The following TGFBRAP1 variants were observed in gnomAD, a reference collection of about 807,000 sequenced individuals.
The protein encoded by TGFBRAP1 is transforming growth factor beta receptor associated protein 1.
TGFBRAP1 carries 20 observed loss-of-function variants against 83.2 expected under a neutral mutation model. The ratio of observed to expected loss-of-function variants is 0.24; its 90% CI spans 0.17 to 0.35. The LOEUF (loss-of-function observed/expected upper bound fraction) is 0.35, where lower values mean the gene tolerates loss of function less well. TGFBRAP1 is among the 10% of genes least tolerant of loss of function. The pLI, the probability that TGFBRAP1 is intolerant of heterozygous loss-of-function variation, is 1.00. For missense variants in TGFBRAP1, 950 were observed against 1,099.4 expected (o/e 0.86, Z 1.92); for synonymous variants, 415 against 459.8 (o/e 0.90, Z 1.25).
At chr2:105,256,181 G>A in the TGFBRAP1 span, among the ~76,000 whole-genome samples, 1 of 152,234 alleles carries the variant, frequency 6.6e-6, no homozygotes, top group Non-Finnish European at 1.5e-5. Flanking sequence ...AATGTTGGCA[G>A]TGGCTCTCTT....
intron 11 of TGFBRAP1, among the ~76,000 whole-genome samples, chr2:105,268,341 T>C (rs115315617): frequency 1.4e-4 from 22 of 152,218 alleles, no homozygotes; most frequent in Middle Eastern, 3.4e-3. Flanking sequence ...ACTCTAATAG[T>C]AGCGGGTAAC....
chr2:105,294,915 C>T (rs1020899131), intron 4 of TGFBRAP1, among the ~76,000 whole-genome samples: 2 of 147,676 alleles, frequency 1.4e-5, no homozygotes, highest in Non-Finnish European at 2.9e-5. Context: ...AATGTGGCCC[C>T]CCTGGACTTC....
chr2:105,281,734 ATGTTG>A (rs1677545156), intron 5 of TGFBRAP1, among the ~76,000 whole-genome samples: 1 of 151,982 alleles, frequency 6.6e-6, no homozygotes, highest in Admixed American at 6.6e-5. Flanking sequence ...AGACCCACTT[ATGTTG>A]CCAGTTTGTA....
intron 2 of TGFBRAP1, 78 bp downstream of exon 2, chr2:105,307,536 C>T: frequency 7.0e-7 from 1 of 1,438,612 alleles, no homozygotes; most frequent in South Asian, 1.3e-5. Context: ...TGCACAGCGC[C>T]AATCTCACTC....
At chr2:105,271,641 C>T (rs1277568275) in intron 10 of TGFBRAP1, among the ~76,000 whole-genome samples, 2 of 152,198 alleles carry the variant, frequency 1.3e-5, no homozygotes, top group Non-Finnish European at 2.9e-5. Flanking sequence ...GGAGGAAAAA[C>T]AGGCCTCACT....
chr2:105,260,130 T>C (rs564097930), downstream of TGFBRAP1, among the ~76,000 whole-genome samples: 1 of 152,330 alleles, frequency 6.6e-6, no homozygotes, highest in East Asian at 1.9e-4. Context: ...AATTCATGGC[T>C]GGGCATGGTG....
intron 4 of TGFBRAP1, among the ~76,000 whole-genome samples, chr2:105,288,911 G>A (rs1158535577): frequency 2.0e-5 from 3 of 152,050 alleles, no homozygotes; most frequent in Admixed American, 2.0e-4. Context: ...TACCCTCTTG[G>A]GGAATCACAA....
chr2:105,322,089 G>A (rs186234761), intron 1 of TGFBRAP1, among the ~76,000 whole-genome samples: 1 of 152,220 alleles, frequency 6.6e-6, no homozygotes, highest in Admixed American at 6.5e-5. Context: ...ATGTGGAGGT[G>A]GATGACAGGG....
intron 1 of TGFBRAP1, among the ~76,000 whole-genome samples, chr2:105,326,742 G>A (rs1334590514): frequency 6.6e-6 from 1 of 151,974 alleles, no homozygotes; most frequent in African/African-American, 2.4e-5. Flanking sequence ...AAAAATTATT[G>A]AGTACCTACA....
chr2:105,268,834 G>A lies in TGFBRAP1; in HGVS notation c.2406+438C>T, dbSNP rs150112983. Among the ~76,000 whole-genome samples, 10 of 152,354 alleles carry A rather than the reference G, an allele frequency of 6.6e-5. No individual in the cohort carries two copies. The East Asian group carries it at 1.7e-3, about 26-fold the overall frequency. Reference sequence around the variant, plus strand: ...TGGCCTGGGAGGCAGCTCTGGGCACGCCCATTTCCTGAGCATGCGACTGCT... The same window carrying A: ...TGGCCTGGGAGGCAGCTCTGGGCACACCCATTTCCTGAGCATGCGACTGCT... On this transcript the variant is annotated intron_variant, in intron 11 of 11. Coordinates refer to ENST00000393359, the MANE Select transcript of TGFBRAP1 (RefSeq NM_004257.6).
intron 10 of TGFBRAP1, 33 bp downstream of exon 10, chr2:105,272,822 T>C (rs1407770770): frequency 1.9e-6 from 3 of 1,603,108 alleles, no homozygotes; most frequent in East Asian, 4.5e-5. Context: ...ATGAGTTTTT[T>C]CCAAAGGGAG....
At chr2:105,295,272 T>C (rs1678044305) in intron 4 of TGFBRAP1, among the ~76,000 whole-genome samples, 2 of 152,180 alleles carry the variant, frequency 1.3e-5, no homozygotes, top group African/African-American at 2.4e-5. Flanking sequence ...AAAGAACATA[T>C]CATTCCACAA....
chr2:105,296,592 A>G (rs1172463260), intron 3 of TGFBRAP1, 82 bp from the exon 4 acceptor site: 3 of 1,469,054 alleles, frequency 2.0e-6, no homozygotes, highest in Non-Finnish European at 2.7e-6. Flanking sequence ...AAACTGGATC[A>G]TTACCTGATT....
At chr2:105,268,290 T>G (rs1448142851) in intron 11 of TGFBRAP1, among the ~76,000 whole-genome samples, 1 of 152,136 alleles carries the variant, frequency 6.6e-6, no homozygotes, top group African/African-American at 2.4e-5. Context: ...CTACAGACAC[T>G]GAGATAAAGA....
rs1416221827 is a variant in TGFBRAP1, at chr2:105,269,665, G to A, written c.2013C>T (p.Ile671=). The change falls in exon 11 of 12, where the codon ATC becomes ATT. Residue 671 remains isoleucine (I), a synonymous_variant. Coordinates refer to ENST00000393359, the MANE Select transcript of TGFBRAP1 (RefSeq NM_004257.6). The surrounding 1 kb of genome is among the most constrained non-coding windows in gnomAD (Gnocchi z 4.1). ...CATGCTCGCCCAGCTTCCCGTGCAG[G>A]ATGGCGCTCTCCATGGGCAGGCCAG... ...QGAGLPMESA[I]LHGKLGEHEK... The A allele has an allele frequency of 2.5e-6, 4 of 1,576,044 alleles. No homozygotes were observed. Among genetic ancestry groups the A allele is most frequent in the Admixed American group, 1.7e-5 (1 of 58,676 alleles).
the TGFBRAP1 span, among the ~76,000 whole-genome samples, chr2:105,252,791 C>T: frequency 4.1e-5 from 5 of 120,868 alleles, no homozygotes; most frequent in East Asian, 7.6e-4. Context: ...CTTTCTCTGT[C>T]GCCCAGGCTG....
In TGFBRAP1 at chr2:105,307,630, C is replaced by T. The variant is rs777215021; in HGVS notation, c.672G>A (p.Ala224=). The T allele has an allele frequency of 1.7e-5, 28 of 1,611,572 alleles. No homozygotes were observed. Among genetic ancestry groups the T allele is most frequent in the African/African-American group, 1.2e-4 (9 of 74,890 alleles). Residue 224 remains alanine, a synonymous_variant, in exon 2 of 12, where the codon GCG becomes GCA. Coordinates refer to ENST00000393359, the MANE Select transcript of TGFBRAP1 (RefSeq NM_004257.6). ...CCTCCTCACCCAGCCCTCCGGGGCC[C>T]GCCAGCAGGAACTCCTGTCTCCCTA... ...KRIGRQEFLL[A]GPGGLGMFAT...
intron 1 of TGFBRAP1, among the ~76,000 whole-genome samples, chr2:105,309,325 C>A (rs941997276): frequency 2.0e-5 from 3 of 152,200 alleles, no homozygotes; most frequent in African/African-American, 7.2e-5. Context: ...GCTGGCTGGG[C>A]TTGCGTCAGC....
intron 5 of TGFBRAP1, 71 bp downstream of exon 5, chr2:105,284,245 C>T: frequency 6.9e-7 from 1 of 1,450,768 alleles, no homozygotes; most frequent in African/African-American, 1.4e-5. Context: ...CGCGACGTCA[C>T]ACCAGAAACG....
Sources: allele counts gnomAD v4.1 joint callset (sites outside exome capture counted in the v4.1 genomes callset), GRCh38; gene constraint gnomAD v4.1.1; non-coding constraint Gnocchi (gnomAD v3.1); transcripts MANE v1.5; gene names NCBI Gene and HGNC (gene_info 2026-07-23, HGNC 2026-07-21).